Variants in C8orf34 observed in about 807,000 individuals in gnomAD.
The protein encoded by C8orf34 is chromosome 8 open reading frame 34, also known as uncharacterized protein C8orf34.
Under a neutral mutation model 68.3 loss-of-function variants are expected in C8orf34, and 65 were observed. The observed-to-expected ratio is 0.95, with a 90% CI of 0.78 to 1.17. C8orf34 has a LOEUF of 1.17. C8orf34 is among the 50% of genes most tolerant of loss of function. The pLI is 0.00. For missense variants in C8orf34, 664 were observed against 655.4 expected, an observed-to-expected ratio of 1.01 and a Z score of -0.14; for synonymous variants, 244 against 241.2, an observed-to-expected ratio of 1.01 and a Z score of -0.11.
At chr8:68,746,366 A>G (rs200031267) in intron 10 of C8orf34, among the ~76,000 whole-genome samples, 1 of 110,148 alleles carries the variant, frequency 9.1e-6, no homozygotes, top group Non-Finnish European at 1.9e-5. Flanking sequence ...CTAGCAGAAG[A>G]CAAGAAATAA....
intron 1 of C8orf34, among the ~76,000 whole-genome samples, chr8:68,341,890 G>A (rs1806085239): frequency 6.6e-6 from 1 of 152,162 alleles, no homozygotes; most frequent in South Asian, 2.1e-4. Flanking sequence ...ATGCAAGAAT[G>A]GCCTAACACA....
rs1326026685 is a variant in C8orf34 at position 68,709,726 on chromosome 8, T to A, written c.1327+647T>A. On this transcript the variant is annotated intron_variant, in intron 9 of 13. Coordinates refer to ENST00000518698, the MANE Select transcript of C8orf34 (RefSeq NM_052958.4). ...ACCCCTCTTTTGTTCATTGTTTTTC[T>A]GAAAATAAAGCTGCTTATTTAATTT... Among the ~76,000 whole-genome samples the A allele has an allele frequency of 2.6e-5, 4 of 152,172 alleles. 1 individual carries two copies. The highest frequency in any genetic ancestry group is 2.6e-4 in the Admixed American group (4 of 15,266).
chr8:68,365,133 C>G (rs1257668099), intron 1 of C8orf34, among the ~76,000 whole-genome samples: 2 of 143,392 alleles, frequency 1.4e-5, no homozygotes, highest in East Asian at 4.5e-4. Context: ...CGCAAATAAA[C>G]TAGAAAATCT....
chr8:68,774,972 C>T (rs1243199103), intron 10 of C8orf34, among the ~76,000 whole-genome samples: 1 of 80,698 alleles, frequency 1.2e-5, no homozygotes, highest in Non-Finnish European at 2.4e-5. Context: ...AAAAAATTAG[C>T]TGGGCGGGGT....
chr8:68,459,639 C>T (rs937031400), intron 3 of C8orf34, among the ~76,000 whole-genome samples: 1 of 152,168 alleles, frequency 6.6e-6, no homozygotes, highest in Non-Finnish European at 1.5e-5. Flanking sequence ...ACTATTGAAT[C>T]CAGCAATCCC....
chr8:68,779,058 T>A (rs1413573560), intron 11 of C8orf34, among the ~76,000 whole-genome samples: 1 of 151,994 alleles, frequency 6.6e-6, no homozygotes, highest in East Asian at 1.9e-4. Flanking sequence ...ACACCTATAG[T>A]CTCAGCTCTT....
intron 1 of C8orf34, among the ~76,000 whole-genome samples, chr8:68,397,731 G>T (rs1443808365): frequency 6.6e-6 from 1 of 152,020 alleles, no homozygotes; most frequent in Non-Finnish European, 1.5e-5. Context: ...TGCACTGCAT[G>T]AAAGCCATTC....
At chr8:68,357,771 G>C (rs555850296) in intron 1 of C8orf34, among the ~76,000 whole-genome samples, 1 of 152,256 alleles carries the variant, frequency 6.6e-6, no homozygotes, top group African/African-American at 2.4e-5. Flanking sequence ...AGAATGTTGA[G>C]GGACATGTTT....
intron 7 of C8orf34, among the ~76,000 whole-genome samples, chr8:68,637,274 C>G (rs1245205799): frequency 6.6e-6 from 1 of 152,004 alleles, no homozygotes; most frequent in Non-Finnish European, 1.5e-5. Flanking sequence ...TTGCATGGTT[C>G]CTATTGCTGG....
intron 12 of C8orf34, among the ~76,000 whole-genome samples, chr8:68,789,853 A>T (rs1823944370): frequency 6.6e-6 from 1 of 152,214 alleles, no homozygotes; most frequent in South Asian, 2.1e-4. Flanking sequence ...TTGGATTTAT[A>T]GTTTATCCAT....
chr8:68,581,291 C>A (rs1290323589), intron 7 of C8orf34, among the ~76,000 whole-genome samples: 3 of 152,126 alleles, frequency 2.0e-5, no homozygotes, highest in African/African-American at 7.2e-5. Context: ...TATTTGTTTA[C>A]ATTTGTCTCT....
chr8:68,702,940 A>G (rs1821062307), intron 8 of C8orf34, among the ~76,000 whole-genome samples: 1 of 151,992 alleles, frequency 6.6e-6, no homozygotes, highest in African/African-American at 2.4e-5. Flanking sequence ...ACTTGGTCCT[A>G]TTTTCAGTCT....
chr8:68,546,903 A>G (rs1411900012), intron 7 of C8orf34, among the ~76,000 whole-genome samples: 1 of 151,826 alleles, frequency 6.6e-6, no homozygotes, highest in African/African-American at 2.4e-5. Flanking sequence ...AATACAACAC[A>G]TAAAATCTCT....
intron 7 of C8orf34, among the ~76,000 whole-genome samples, chr8:68,547,460 A>G (rs1815922370): frequency 6.6e-6 from 1 of 151,782 alleles, no homozygotes; most frequent in African/African-American, 2.4e-5. Flanking sequence ...TATTTAGAGA[A>G]GAAATAATGC....
At chr8:68,530,391 A>G (rs968699878) in intron 6 of C8orf34, among the ~76,000 whole-genome samples, 4 of 152,100 alleles carry the variant, frequency 2.6e-5, no homozygotes, top group Admixed American at 6.5e-5. Flanking sequence ...TCAAAAGCGA[A>G]TGGGGCTAAA....
At chr8:68,666,393 C>T (rs2130826715) in intron 8 of C8orf34, among the ~76,000 whole-genome samples, 1 of 152,262 alleles carries the variant, frequency 6.6e-6, no homozygotes, top group Middle Eastern at 3.4e-3. Flanking sequence ...TATGTCTGCC[C>T]TTTTGGAGTG....
chr8:68,634,659 G>T (rs963448425), intron 7 of C8orf34, among the ~76,000 whole-genome samples: 2 of 151,990 alleles, frequency 1.3e-5, no homozygotes, highest in Non-Finnish European at 2.9e-5. Context: ...TTTGTTCTTT[G>T]TATATTTAGC....
At chr8:68,686,256 G>T (rs540961124) in intron 8 of C8orf34, among the ~76,000 whole-genome samples, 1 of 152,138 alleles carries the variant, frequency 6.6e-6, no homozygotes, top group South Asian at 2.1e-4. Flanking sequence ...AGATGATTGA[G>T]AGAGAATCCT....
At chr8:68,510,170 CATGCACTCCCTATCGT>C (rs1814202531) in intron 5 of C8orf34, among the ~76,000 whole-genome samples, 1 of 152,134 alleles carries the variant, frequency 6.6e-6, no homozygotes, top group Non-Finnish European at 1.5e-5. Flanking sequence ...TGGGGAGTTG[CATGCACTCCCTATCGT>C]AAGCCAAATA....
Sources: gnomAD v4.1 joint callset for allele counts (sites outside exome capture counted in the v4.1 genomes callset) on GRCh38, gnomAD v4.1.1 for gene constraint, MANE v1.5 for transcripts, NCBI Gene and HGNC (gene_info 2026-07-23, HGNC 2026-07-21) for gene names.